Variants in ZNF431 observed in about 807,000 individuals in gnomAD.
ZNF431 encodes the protein zinc finger protein 431.
Under a neutral mutation model 57.0 loss-of-function variants are expected in ZNF431, and 34 were observed. The ratio of observed to expected loss-of-function variants is 0.60; its 90% CI spans 0.45 to 0.79. The LOEUF (loss-of-function observed/expected upper bound fraction) is 0.79, where lower values mean the gene tolerates loss of function less well. Ranked by LOEUF, ZNF431 falls within the 30% of genes least tolerant of loss-of-function variation. The pLI is 0.00. For synonymous variants in ZNF431, 207 were observed against 220.3 expected (o/e 0.94, Z 0.54); for missense variants, 607 against 667.1 (o/e 0.91, Z 0.99).
rs980535430 is a variant in ZNF431, at chr19:21,186,806, A to G, written c.*2772A>G. 1.3e-5 allele frequency: 2 copies of G among 152,182 alleles called. No homozygotes were observed. The highest frequency in any genetic ancestry group is 1.9e-4 in the East Asian group (1 of 5,190). 9.4% of individuals were successfully genotyped at this position (152,182 alleles called of 1,614,324 possible). ...CAAAATAATCTTTAGATGTAATTCC[A>G]AAAGTAGTGTATTAAGTTACATTTT... On this transcript the variant is annotated 3_prime_UTR_variant, in exon 5 of 5. Transcript: ENST00000311048.
At chr19:21,144,582 G>A (rs1252669542) in intron 2 of ZNF431, among the ~76,000 whole-genome samples, 3 of 152,112 alleles carry the variant, frequency 2.0e-5, no homozygotes, top group Non-Finnish European at 4.4e-5. Flanking sequence ...TATCCCATTT[G>A]TTAAAAATTC....
intron 2 of ZNF431, among the ~76,000 whole-genome samples, chr19:21,158,406 G>A (rs556621522): frequency 4.0e-5 from 6 of 151,872 alleles, no homozygotes; most frequent in Non-Finnish European, 7.4e-5. Flanking sequence ...CACCATGTTG[G>A]TCAGGCTGGT....
chr19:21,189,617 T>G lies in ZNF431; in HGVS notation c.*5583T>G, dbSNP rs1226247998. 3.1e-6 allele frequency: 1 copy of G among 324,872 alleles called. No individual in the cohort carries two copies. The highest frequency in any genetic ancestry group is 5.5e-6 in the Non-Finnish European group (1 of 180,830). The allele number at this position is 324,872 out of a possible 1,614,324, so 20.1% of individuals were successfully genotyped here. A position where few individuals can be genotyped will look rare whatever the true frequency, so the allele number is the denominator to read the frequency against. ...GTGCAATAAATCTCTTGAACTTATT[T>G]CTTCCATTTGACTATAATTATGTAT... On this transcript the variant is annotated 3_prime_UTR_variant, in exon 5 of 5. Coordinates refer to ENST00000311048, the MANE Select transcript of ZNF431 (RefSeq NM_133473.4).
At chr19:21,182,390 TACTC>T (rs2145049081) in intron 4 of ZNF431, among the ~76,000 whole-genome samples, 1 of 152,362 alleles carries the variant, frequency 6.6e-6, no homozygotes, top group East Asian at 1.9e-4. Flanking sequence ...CATTCCTGTG[TACTC>T]ACCTGTGTGC....
chr19:21,149,873 C>T, intron 2 of ZNF431: 1 of 640,838 alleles, frequency 1.6e-6, no homozygotes, highest in Non-Finnish European at 2.9e-6. Flanking sequence ...GACTAGACGT[C>T]CTAGTCTTAC....
rs1568317256 is a variant in ZNF431 at position 21,184,037 on chromosome 19, A to T, written c.*3A>T. ...CAAGAATGTGGGAAAGCCTTTAAGCAGTCCTCAACTCTTACTAAGCATTAA... is the reference window on the plus strand; with the variant it reads ...CAAGAATGTGGGAAAGCCTTTAAGCTGTCCTCAACTCTTACTAAGCATTAA... On this transcript the variant is annotated 3_prime_UTR_variant, in exon 5 of 5. Transcript: ENST00000311048. The T allele has an allele frequency of 1.3e-6, 2 of 1,549,992 alleles. No homozygotes were observed.
chr19:21,168,130 G>A (rs1305671716), intron 4 of ZNF431, among the ~76,000 whole-genome samples: 1 of 151,980 alleles, frequency 6.6e-6, no homozygotes, highest in Admixed American at 6.6e-5. Context: ...CATCCTGTTT[G>A]TATTACTATA....
intron 2 of ZNF431, among the ~76,000 whole-genome samples, chr19:21,147,617 A>C (rs896761274): frequency 3.3e-5 from 5 of 152,290 alleles, no homozygotes; most frequent in Non-Finnish European, 4.4e-5. Flanking sequence ...AAAAAAAAAA[A>C]AACCATGATT....
chr19:21,142,964 T>C (rs1426026482), intron 1 of ZNF431, among the ~76,000 whole-genome samples: 1 of 152,088 alleles, frequency 6.6e-6, no homozygotes, highest in East Asian at 1.9e-4. Flanking sequence ...TTTAATTATT[T>C]TCACAGTCCA....
rs561385740 is a variant in ZNF431 at position 21,183,788 on chromosome 19, A to G, written c.1485A>G (p.Arg495=). 1.1e-4 allele frequency: 177 copies of G among 1,613,842 alleles called. No individual in the cohort carries two copies. In the South Asian group the frequency reaches 1.8e-3, roughly 17 times the overall value. The part of the protein sequence containing the change: ...KCEECGKAFN[R]SSNLTKHKII... ...AAGAATGTGGCAAAGCTTTTAACCGATCCTCAAATCTTACTAAACATAAGA... is the reference window on the plus strand; with the variant it reads ...AAGAATGTGGCAAAGCTTTTAACCGGTCCTCAAATCTTACTAAACATAAGA... The change falls in exon 5 of 5, where the codon CGA becomes CGG. Residue 495 remains arginine (R), a synonymous_variant. Transcript: ENST00000311048.
chr19:21,152,303 A>T (rs1003125597), intron 2 of ZNF431, among the ~76,000 whole-genome samples: 1 of 152,214 alleles, frequency 6.6e-6, no homozygotes, highest in Admixed American at 6.5e-5. Context: ...GGGTCCAGAG[A>T]AAGACCTACT....
intron 2 of ZNF431, among the ~76,000 whole-genome samples, chr19:21,152,066 A>G (rs1970290039): frequency 6.6e-6 from 1 of 152,206 alleles, no homozygotes; most frequent in African/African-American, 2.4e-5. Context: ...AGATCAAAAT[A>G]TATGTGACAA....
rs143627071 is a variant in ZNF431, at chr19:21,153,940, G to A, written c.96+10297G>A. Among the ~76,000 whole-genome samples the A allele has an allele frequency of 4.8e-3, 726 of 152,140 alleles. 7 individuals are homozygous for A. Among genetic ancestry groups the A allele is most frequent in the African/African-American group, 0.016 (673 of 41,510 alleles). ...CATGTTGGTCAGGCTGGTCTCAAAC[G>A]CCCGACCTCAGTTGAGCCACCTGCC... is the stretch of plus-strand genomic sequence containing the variant. On this transcript the variant is annotated intron_variant, in intron 2 of 4. Coordinates refer to ENST00000311048, the MANE Select transcript of ZNF431 (RefSeq NM_133473.4).
chr19:21,169,115 C>A (rs555466534), intron 4 of ZNF431, among the ~76,000 whole-genome samples: 52 of 151,622 alleles, frequency 3.4e-4, no homozygotes, highest in Admixed American at 2.3e-3. Context: ...GAATTTCACT[C>A]TGTTGGCCAG....
chr19:21,164,839 G>A (rs771958764), intron 2 of ZNF431, among the ~76,000 whole-genome samples: 15 of 151,970 alleles, frequency 9.9e-5, no homozygotes, highest in Admixed American at 3.3e-4. Flanking sequence ...GGCTGGGCGC[G>A]GTGGCTCATG....
intron 4 of ZNF431, among the ~76,000 whole-genome samples, chr19:21,170,756 C>G (rs1466772004): frequency 6.6e-6 from 1 of 152,040 alleles, no homozygotes; most frequent in African/African-American, 2.4e-5. Context: ...TCACTGCAAC[C>G]TGCACCTCCC....
intron 4 of ZNF431, among the ~76,000 whole-genome samples, chr19:21,178,029 C>A (rs565047904): frequency 1.3e-5 from 2 of 152,182 alleles, no homozygotes; most frequent in African/African-American, 4.8e-5. Context: ...TGAAGAGGTC[C>A]TTCACTTCCC....
intron 2 of ZNF431, among the ~76,000 whole-genome samples, chr19:21,159,471 C>T (rs1302926797): frequency 6.6e-6 from 1 of 152,152 alleles, no homozygotes; most frequent in East Asian, 1.9e-4. Flanking sequence ...CTCCCGAGCT[C>T]AAGTGATTCG....
At chr19:21,152,664 GA>G (rs1970305507) in intron 2 of ZNF431, among the ~76,000 whole-genome samples, 1 of 152,114 alleles carries the variant, frequency 6.6e-6, no homozygotes, top group African/African-American at 2.4e-5. Context: ...CTTTTATTAA[GA>G]GGAGCCTTTA....
Sources: gnomAD v4.1 joint callset for allele counts (sites outside exome capture counted in the v4.1 genomes callset) on GRCh38, gnomAD v4.1.1 for gene constraint, MANE v1.5 for transcripts, NCBI Gene and HGNC (gene_info 2026-07-23, HGNC 2026-07-21) for gene names.